Variants in LDB2 observed in about 807,000 individuals in gnomAD.
LDB2 encodes LIM domain binding 2, also known as LIM domain-binding protein 2.
A neutral mutation model predicts 44.3 loss-of-function variants in LDB2; 12 were observed. The ratio of observed to expected loss-of-function variants is 0.27; its 90% CI spans 0.17 to 0.44. LDB2 has a LOEUF of 0.44. LDB2 is among the 20% of genes least tolerant of loss of function. The pLI, the probability that LDB2 is intolerant of heterozygous loss-of-function variation, is 1.00. For missense variants in LDB2, 344 were observed against 473.5 expected, an observed-to-expected ratio of 0.73 and a Z score of 2.54; for synonymous variants, 164 against 174.8, an observed-to-expected ratio of 0.94 and a Z score of 0.49.
chr4:16,506,208 C>T (rs147271504), intron 7 of LDB2: 381 of 453,404 alleles, frequency 8.4e-4, no homozygotes, highest in African/African-American at 6.9e-3. Flanking sequence ...AGTCATCCAA[C>T]GCTTATCATT....
At chr4:16,719,949 A>G (rs189260059) in intron 2 of LDB2, among the ~76,000 whole-genome samples, 2 of 149,016 alleles carry the variant, frequency 1.3e-5, no homozygotes, top group Admixed American at 6.6e-5. Flanking sequence ...CCAACCAGAT[A>G]CAGATTCTAG....
chr4:16,584,272 T>C (rs1170994761), intron 5 of LDB2, among the ~76,000 whole-genome samples: 1 of 152,200 alleles, frequency 6.6e-6, no homozygotes, highest in Non-Finnish European at 1.5e-5. Context: ...GATATTATTT[T>C]TGGCAAAGTG....
intron 5 of LDB2, among the ~76,000 whole-genome samples, chr4:16,520,773 A>C (rs1725773188): frequency 6.6e-6 from 1 of 152,086 alleles, no homozygotes; most frequent in Non-Finnish European, 1.5e-5. Flanking sequence ...CACCCAGGGG[A>C]GAAGTGCTTG....
intron 3 of LDB2, among the ~76,000 whole-genome samples, chr4:16,589,975 T>C (rs2135442): frequency 0.58 from 88,830 of 152,026 alleles, 27,233 homozygotes; most frequent in Admixed American, 0.71. Context: ...AATAAAGTTA[T>C]GTACGTAGGC....
At chr4:16,785,008 G>GTT (rs34838806) in intron 1 of LDB2, among the ~76,000 whole-genome samples, 63 of 150,836 alleles carry the variant, frequency 4.2e-4, no homozygotes, top group Non-Finnish European at 6.6e-4. Flanking sequence ...TTGAAGAACA[G>GTT]TTTTTTTTTC....
rs1182912861 is a variant in LDB2, at chr4:16,582,004, A to AG, written c.615+3917dup. 2.6e-5 allele frequency among the ~76,000 whole-genome samples: 1 copy of AG among 38,390 alleles called. No homozygotes were observed. The highest frequency in any genetic ancestry group is 9.8e-4 in the South Asian group (1 of 1,018). 25.2% of individuals were successfully genotyped at this position (38,390 alleles called of 152,430 possible). A position where few individuals can be genotyped will look rare whatever the true frequency, so the allele number is the denominator to read the frequency against. Reference sequence around the variant, plus strand: ...GAAGGGAAGGAAGGGAAGGAAGGGAAGGAAGGAAGGAAGGAAGGAAGGAAG... The same window carrying AG: ...GAAGGGAAGGAAGGGAAGGAAGGGAAGGGAAGGAAGGAAGGAAGGAAGGAAG... On this transcript the variant is annotated intron_variant, in intron 5 of 7. Transcript: ENST00000304523. The surrounding 1 kb of genome is among the most constrained non-coding windows in gnomAD (Gnocchi z 4.8).
intron 2 of LDB2, among the ~76,000 whole-genome samples, chr4:16,681,818 G>A (rs898860317): frequency 9.9e-5 from 15 of 151,858 alleles, no homozygotes; most frequent in Admixed American, 7.2e-4. Flanking sequence ...TGATCTGCCC[G>A]CCTTGGCCTC....
intron 5 of LDB2, among the ~76,000 whole-genome samples, chr4:16,518,777 T>C (rs562134896): frequency 3.3e-5 from 5 of 152,344 alleles, no homozygotes; most frequent in African/African-American, 7.2e-5. Flanking sequence ...AGGCAGAGCA[T>C]GTTCAATTCA....
intron 5 of LDB2, among the ~76,000 whole-genome samples, chr4:16,563,615 AT>A (rs1272116766): frequency 0.026 from 3,554 of 135,930 alleles, 120 homozygotes; most frequent in African/African-American, 0.08. Context: ...CGCCTGGCTA[AT>A]TTTTTTTTTT....
At chr4:16,813,874 TTTC>T (rs932270516) in intron 1 of LDB2, among the ~76,000 whole-genome samples, 4 of 150,676 alleles carry the variant, frequency 2.7e-5, no homozygotes, top group African/African-American at 9.8e-5. Flanking sequence ...TTTCTTTTCT[TTTC>T]TTTTTTTTTT....
chr4:16,896,700 A>T (rs13128736), intron 1 of LDB2, among the ~76,000 whole-genome samples: 2,612 of 152,226 alleles, frequency 0.017, 36 homozygotes, highest in Non-Finnish European at 0.027. Flanking sequence ...ATTTTTTCCA[A>T]ATTTGTATTG....
At chr4:16,832,966 C>T in intron 1 of LDB2, among the ~76,000 whole-genome samples, 1 of 152,188 alleles carries the variant, frequency 6.6e-6, no homozygotes, top group East Asian at 1.9e-4. Context: ...AACACACAGT[C>T]ACACAAGTTC....
intron 5 of LDB2, among the ~76,000 whole-genome samples, chr4:16,564,308 C>T (rs1743667581): frequency 6.6e-6 from 1 of 152,170 alleles, no homozygotes; most frequent in South Asian, 2.1e-4. Context: ...TTGCAGTGAG[C>T]TGAGATCTCG....
intron 1 of LDB2, among the ~76,000 whole-genome samples, chr4:16,897,479 A>G (rs1725363683): frequency 6.6e-6 from 1 of 152,178 alleles, no homozygotes; most frequent in African/African-American, 2.4e-5. Flanking sequence ...CAACTGACAT[A>G]AAATATTTAA....
At chr4:16,703,630 A>G (rs1473425422) in intron 2 of LDB2, among the ~76,000 whole-genome samples, 1 of 152,228 alleles carries the variant, frequency 6.6e-6, no homozygotes, top group African/African-American at 2.4e-5. Context: ...AGCAGACCTT[A>G]GAGTTATTCA....
At chr4:16,724,867 A>G (rs1289972871) in intron 2 of LDB2, among the ~76,000 whole-genome samples, 1 of 152,230 alleles carries the variant, frequency 6.6e-6, no homozygotes, top group Non-Finnish European at 1.5e-5. Flanking sequence ...CCCAGTGCAC[A>G]TACACATTAT....
intron 2 of LDB2, among the ~76,000 whole-genome samples, chr4:16,722,153 A>G (rs1560996415): frequency 6.6e-6 from 1 of 152,148 alleles, no homozygotes; most frequent in Non-Finnish European, 1.5e-5. Flanking sequence ...AGCAGCTACT[A>G]CTTCATGAAA....
rs936724113 is a variant in LDB2 at position 16,616,594 on chromosome 4, A to G, written c.236-20719T>C. On this transcript the variant is annotated intron_variant, in intron 2 of 7. Coordinates refer to ENST00000304523, the MANE Select transcript of LDB2 (RefSeq NM_001290.5). ...CAATAACCCATTTTGAGTGAATTGT[A>G]GGTTGGGGAGACAAGGCCACCAAGA... Among the ~76,000 whole-genome samples, 14 of 152,162 alleles carry G rather than the reference A, an allele frequency of 9.2e-5. No homozygotes were observed. The East Asian group carries it at 2.7e-3, about 29-fold the overall frequency.
chr4:16,857,688 T>C (rs558117723), intron 1 of LDB2, among the ~76,000 whole-genome samples: 4 of 152,214 alleles, frequency 2.6e-5, no homozygotes, highest in Admixed American at 2.0e-4. Context: ...TTTGCCTGGA[T>C]GCTCTTCCTC....
Sources: gnomAD v4.1 joint callset for allele counts (sites outside exome capture counted in the v4.1 genomes callset) on GRCh38, gnomAD v4.1.1 for gene constraint, Gnocchi (gnomAD v3.1) non-coding constraint, MANE v1.5 for transcripts, NCBI Gene and HGNC (gene_info 2026-07-23, HGNC 2026-07-21) for gene names.